Variants in PARD3B observed in about 807,000 individuals in gnomAD.
The protein encoded by PARD3B is par-3 family cell polarity regulator beta.
PARD3B carries 103 observed loss-of-function variants against 130.2 expected under a neutral mutation model. The ratio of observed to expected loss-of-function variants is 0.79; its 90% CI spans 0.67 to 0.93. PARD3B has a LOEUF of 0.93. Ranked by LOEUF, PARD3B falls within the 40% of genes least tolerant of loss-of-function variation. PARD3B has a pLI of 0.00. For synonymous variants in PARD3B, 583 were observed against 553.2 expected (o/e 1.05, Z -0.76); for missense variants, 1,609 against 1,499.2 (o/e 1.07, Z -1.21).
At position 204,583,622 on chromosome 2, in the gene PARD3B, TAAAAA is replaced by T. The variant is rs1183973275; in HGVS notation, c.120+37521_120+37525del. On this transcript the variant is annotated intron_variant, in intron 1 of 22. Transcript: ENST00000406610. ...CACATGTACCCTAAAACTTAAAGTA[TAAAAA>T]AAAAAAAAAAAAAAAAAGCAACAGA... Among the ~76,000 whole-genome samples the T allele has an allele frequency of 2.1e-3, 147 of 70,750 alleles. 1 individual carries two copies. Among genetic ancestry groups the T allele is most frequent in the Middle Eastern group, 7.6e-3 (1 of 132 alleles). The allele number at this position is 70,750 out of a possible 152,430, so 46.4% of individuals were successfully genotyped here. A position where few individuals can be genotyped will look rare whatever the true frequency, so the allele number is the denominator to read the frequency against.
intron 21 of PARD3B, among the ~76,000 whole-genome samples, chr2:205,506,572 A>C (rs993224465): frequency 3.9e-5 from 6 of 152,190 alleles, no homozygotes; most frequent in Non-Finnish European, 7.4e-5. Context: ...GAGAAAACAC[A>C]ATGCTGAGAT....
chr2:204,777,751 A>T (rs774437998), intron 2 of PARD3B, among the ~76,000 whole-genome samples: 1 of 152,142 alleles, frequency 6.6e-6, no homozygotes, highest in African/African-American at 2.4e-5. Flanking sequence ...CCTGGTGTCA[A>T]AGTGAGCCAC....
chr2:205,279,498 G>A (rs1440843523), intron 16 of PARD3B, among the ~76,000 whole-genome samples: 1 of 152,036 alleles, frequency 6.6e-6, no homozygotes, highest in East Asian at 1.9e-4. Context: ...TTTCACAATG[G>A]CATTATTAAA....
At chr2:204,736,281 AT>A (rs1266275301) in intron 2 of PARD3B, among the ~76,000 whole-genome samples, 1 of 151,990 alleles carries the variant, frequency 6.6e-6, no homozygotes, top group Non-Finnish European at 1.5e-5. Flanking sequence ...TTAAATTCAT[AT>A]TTTCATTTCC....
rs549515250 is a variant in PARD3B at position 204,611,187 on chromosome 2, A to C, written c.120+65068A>C. 2.0e-5 allele frequency among the ~76,000 whole-genome samples: 3 copies of C among 152,234 alleles called. No individual in the cohort carries two copies. The East Asian group carries it at 5.8e-4, about 29-fold the overall frequency. ...GTCCTAATGTATCAGAGATGAAGGG[A>C]AATTGGTTGGGAGACTACTCCTGGG... On this transcript the variant is annotated intron_variant, in intron 1 of 22. Transcript: ENST00000406610.
At chr2:204,594,280 TA>T (rs2033195758) in intron 1 of PARD3B, among the ~76,000 whole-genome samples, 1 of 152,170 alleles carries the variant, frequency 6.6e-6, no homozygotes, top group Non-Finnish European at 1.5e-5. Flanking sequence ...CATCTATCTA[TA>T]AAAGCATCTG....
At chr2:205,256,836 T>C (rs1260394071) in intron 16 of PARD3B, among the ~76,000 whole-genome samples, 1 of 151,388 alleles carries the variant, frequency 6.6e-6, no homozygotes, top group African/African-American at 2.4e-5. Flanking sequence ...TTTGGGAACC[T>C]ATTTGCAGCA....
intron 1 of PARD3B, among the ~76,000 whole-genome samples, chr2:204,582,593 A>G (rs1156986508): frequency 6.6e-6 from 1 of 152,100 alleles, no homozygotes; most frequent in Non-Finnish European, 1.5e-5. Context: ...AGATTAATGT[A>G]TGCTACTGAG....
chr2:205,523,813 AC>A (rs1197457755), intron 21 of PARD3B, among the ~76,000 whole-genome samples: 2 of 127,962 alleles, frequency 1.6e-5, no homozygotes, highest in Non-Finnish European at 3.2e-5. Flanking sequence ...CTCTCTGATA[AC>A]CTTTTTTTTT....
chr2:204,631,470 G>A (rs916626319), intron 1 of PARD3B, among the ~76,000 whole-genome samples: 5 of 152,002 alleles, frequency 3.3e-5, no homozygotes, highest in East Asian at 1.9e-4. Context: ...GGATAGTCTC[G>A]ATCTCTTGAC....
At chr2:204,854,743 T>G (rs2044851494) in intron 2 of PARD3B, among the ~76,000 whole-genome samples, 2 of 152,150 alleles carry the variant, frequency 1.3e-5, no homozygotes, top group South Asian at 4.2e-4. Flanking sequence ...TAGCAAAATA[T>G]GAATATTAGT....
In PARD3B at chr2:205,372,208, T is replaced by G. The variant is rs189152870; in HGVS notation, c.2631-28805T>G. 2.0e-5 allele frequency among the ~76,000 whole-genome samples: 3 copies of G among 152,334 alleles called. No individual in the cohort carries two copies. The East Asian group carries it at 5.8e-4, about 29-fold the overall frequency. On this transcript the variant is annotated intron_variant, in intron 18 of 22. Coordinates refer to ENST00000406610, the MANE Select transcript of PARD3B (RefSeq NM_001302769.2). ...AATTTCTGGGTATATGGTGACTCTA[T>G]GTTTAACTTTCTGAAGAACTGCAAG...
chr2:205,301,826 T>C lies in PARD3B; in HGVS notation c.2630+125T>C, dbSNP rs763153015. 2.0e-5 allele frequency: 29 copies of C among 1,432,316 alleles called. No individual in the cohort carries two copies. Among genetic ancestry groups the C allele is most frequent in the Middle Eastern group, 3.5e-4 (2 of 5,726 alleles). 88.7% of individuals were successfully genotyped at this position (1,432,316 alleles called of 1,614,324 possible). ...GTCTTCAGCCAAATGCATACGGCTC[T>C]CAATTCTGTGCTCGTTCTCTTTCTG... On this transcript the variant is annotated intron_variant, in intron 18 of 22. Transcript: ENST00000406610. This position sits in a 1 kb window ranked among gnomAD's most constrained non-coding sequence, Gnocchi z 5.2.
rs1004784616 is a variant in PARD3B, at chr2:205,241,370, A to G, written c.2141-4408A>G. Among the ~76,000 whole-genome samples the G allele has an allele frequency of 2.0e-5, 3 of 152,216 alleles. No homozygotes were observed. Among genetic ancestry groups the G allele is most frequent in the East Asian group, 3.8e-4 (2 of 5,200 alleles). On this transcript the variant is annotated intron_variant, in intron 15 of 22. Coordinates refer to ENST00000406610, the MANE Select transcript of PARD3B (RefSeq NM_001302769.2). This position sits in a 1 kb window ranked among gnomAD's most constrained non-coding sequence, Gnocchi z 4.2. ...AAGAAAGATCAAGAGGAGGCAGTCC[A>G]TGGTACTCTCTAAGTATGTAATAAT...
rs1424011099 is a variant in PARD3B, at chr2:205,525,224, A to G, written c.3180+25193A>G. On this transcript the variant is annotated intron_variant, in intron 21 of 22. Coordinates refer to ENST00000406610, the MANE Select transcript of PARD3B (RefSeq NM_001302769.2). The surrounding 1 kb of genome is among the most constrained non-coding windows in gnomAD (Gnocchi z 4.2). ...CCTAATTTTCCTTTAAATGGTCCTG[A>G]AAACAAGAGACATGGTATGTAAAAC... Among the ~76,000 whole-genome samples the G allele has an allele frequency of 6.6e-6, 1 of 152,154 alleles. No homozygotes were observed. Among genetic ancestry groups the G allele is most frequent in the East Asian group, 1.9e-4 (1 of 5,184 alleles).
chr2:205,024,162 C>CTTTTTTTTTTT (rs1172893472), intron 3 of PARD3B, among the ~76,000 whole-genome samples: 9 of 98,742 alleles, frequency 9.1e-5, no homozygotes, highest in Admixed American at 2.4e-4. Context: ...TTCTTTCTTT[C>CTTTTTTTTTTT]TTTTTTTTTT....
intron 22 of PARD3B, among the ~76,000 whole-genome samples, chr2:205,586,917 G>A (rs1178413182): frequency 6.6e-6 from 1 of 152,186 alleles, no homozygotes; most frequent in African/African-American, 2.4e-5. Flanking sequence ...TGTGGTGGGT[G>A]TTATAAGGCT....
At chr2:205,071,275 A>G (rs913637825) in intron 4 of PARD3B, among the ~76,000 whole-genome samples, 1 of 152,118 alleles carries the variant, frequency 6.6e-6, no homozygotes, top group African/African-American at 2.4e-5. Flanking sequence ...GAACAGCAAG[A>G]TTTCCCAAGA....
intron 22 of PARD3B, among the ~76,000 whole-genome samples, chr2:205,580,581 A>G (rs933065503): frequency 6.6e-6 from 1 of 152,200 alleles, no homozygotes; most frequent in African/African-American, 2.4e-5. Flanking sequence ...TTTTTTAACT[A>G]TACAAAAATT....
Sources: gnomAD v4.1 joint callset for allele counts (sites outside exome capture counted in the v4.1 genomes callset) on GRCh38, gnomAD v4.1.1 for gene constraint, Gnocchi (gnomAD v3.1) non-coding constraint, MANE v1.5 for transcripts, NCBI Gene and HGNC (gene_info 2026-07-23, HGNC 2026-07-21) for gene names.